KLHL13: variants seen among roughly 807,000 people sequenced by gnomAD.
KLHL13 encodes kelch like family member 13.
KLHL13 carries 10 observed loss-of-function variants against 37.1 expected under a neutral mutation model. That is an observed-to-expected ratio of 0.27 (90% confidence interval 0.17 to 0.46). The LOEUF is 0.46. Ranked by LOEUF, KLHL13 falls within the 20% of genes least tolerant of loss-of-function variation. The pLI, the probability that KLHL13 is intolerant of heterozygous loss-of-function variation, is 1.00. For synonymous variants in KLHL13, 163 were observed against 181.2 expected (o/e 0.90, Z 0.81); for missense variants, 360 against 509.3 (o/e 0.71, Z 2.82).
chrX:118,003,788 G>A (rs775196694), intron 1 of KLHL13, among the ~76,000 whole-genome samples: 11 of 110,377 alleles, frequency 1.0e-4, no homozygotes, highest in African/African-American at 2.6e-4. Context: ...GCAACAACTC[G>A]TCAAAGTACA....
chrX:118,047,785 A>C (rs931608211), intron 1 of KLHL13, among the ~76,000 whole-genome samples: 4 of 111,760 alleles, frequency 3.6e-5, no homozygotes, highest in Non-Finnish European at 7.5e-5. Context: ...TTTACTTTTA[A>C]TCCTGTATTT....
At chrX:118,001,662 G>A (rs1386612227) in intron 1 of KLHL13, among the ~76,000 whole-genome samples, 3 of 110,300 alleles carry the variant, frequency 2.7e-5, no homozygotes, top group East Asian at 2.9e-4. Context: ...TCTGGAGTTC[G>A]AGACCAGCCT....
intron 1 of KLHL13, among the ~76,000 whole-genome samples, chrX:118,020,405 T>A (rs761864273): frequency 3.6e-5 from 4 of 111,557 alleles, no homozygotes; most frequent in African/African-American, 1.3e-4. Context: ...TGAGACAATT[T>A]GGCCATCAGA....
chrX:117,967,802 G>A (rs1273199071), intron 1 of KLHL13, among the ~76,000 whole-genome samples: 2 of 111,766 alleles, frequency 1.8e-5, no homozygotes, highest in Non-Finnish European at 3.8e-5. Context: ...CACATGCCAG[G>A]CTTCCTCAGA....
At chrX:117,965,308 T>G (rs1330297032) in intron 1 of KLHL13, among the ~76,000 whole-genome samples, 1 of 112,163 alleles carries the variant, frequency 8.9e-6, no homozygotes, top group Non-Finnish European at 1.9e-5. Flanking sequence ...TATCTCATTG[T>G]GGTTTTGATT....
intron 1 of KLHL13, among the ~76,000 whole-genome samples, chrX:118,003,513 CGTGAAAATCATCTTATTTCCA>C (rs68137885): frequency 0.062 from 6,948 of 111,184 alleles, 534 homozygotes; most frequent in African/African-American, 0.21. Context: ...ACCATAATTA[CGTGAAAATCATCTTATTTCCA>C]GTTGCCTCAT....
At chrX:117,941,391 G>C (rs1933024291) in intron 2 of KLHL13, among the ~76,000 whole-genome samples, 1 of 111,764 alleles carries the variant, frequency 8.9e-6, no homozygotes, top group South Asian at 3.8e-4. Context: ...CTATTGTTTG[G>C]AATAGTTTCA....
chrX:117,951,807 A>G (rs971484342), intron 1 of KLHL13, among the ~76,000 whole-genome samples: 5 of 112,444 alleles, frequency 4.4e-5, no homozygotes, highest in Admixed American at 3.8e-4. Flanking sequence ...ACATTCTAGT[A>G]TCCTATTTAA....
In KLHL13 at chrX:117,947,270, G is replaced by A. The variant is rs192375569; in HGVS notation, c.99-1695C>T. The A allele has an allele frequency of 1.4e-3, 151 of 111,793 alleles. 2 individuals are homozygous for A. The highest frequency in any genetic ancestry group is 4.8e-3 in the African/African-American group (147 of 30,872). The allele number at this position is 111,793 out of a possible 1,213,427, so 9.2% of individuals were successfully genotyped here. ...CTATTCATCCAGATTATATTAATAGGATATTCAAGCAGACTGTTTTATTAG... is the reference window on the plus strand; with the variant it reads ...CTATTCATCCAGATTATATTAATAGAATATTCAAGCAGACTGTTTTATTAG... On this transcript the variant is annotated intron_variant, in intron 1 of 6. Coordinates refer to ENST00000262820, the Ensembl canonical transcript of KLHL13.
intron 1 of KLHL13, among the ~76,000 whole-genome samples, chrX:118,096,619 C>T (rs1234260384): frequency 1.8e-5 from 2 of 111,386 alleles, no homozygotes; most frequent in African/African-American, 6.5e-5. Flanking sequence ...GGCAGAGACA[C>T]AACCAAAAAA....
At chrX:117,918,692 T>C (rs1263819156) in intron 4 of KLHL13, among the ~76,000 whole-genome samples, 3 of 111,503 alleles carry the variant, frequency 2.7e-5, no homozygotes, top group Non-Finnish European at 5.7e-5. Flanking sequence ...ACTCCATCGA[T>C]TGGTAGTTGT....
chrX:118,028,466 T>C (rs1210836546), intron 1 of KLHL13: 30 of 1,119,863 alleles, frequency 2.7e-5, no homozygotes, highest in Non-Finnish European at 3.4e-5. Flanking sequence ...TCTATGCAGA[T>C]GATCCATCAC....
chrX:118,011,073 A>AAAATAAATAAAT (rs746728611), intron 1 of KLHL13, among the ~76,000 whole-genome samples: 1 of 108,332 alleles, frequency 9.2e-6, no homozygotes, highest in African/African-American at 3.4e-5. Flanking sequence ...ACACTGTCTC[A>AAAATAAATAAAT]AAATAAATAA....
chrX:118,042,735 T>C (rs1291368290), intron 1 of KLHL13, among the ~76,000 whole-genome samples: 2 of 110,854 alleles, frequency 1.8e-5, no homozygotes, highest in Non-Finnish European at 3.8e-5. Flanking sequence ...ACCTATAAGA[T>C]ACAGTGAAAG....
chrX:117,898,092 C>A (rs1382695887), exon 7 of KLHL13: 2 of 112,000 alleles, frequency 1.8e-5, no homozygotes, highest in Non-Finnish European at 3.8e-5. Flanking sequence ...TATATGCATT[C>A]AGTATGTGCA....
chrX:118,064,751 G>A (rs112881851), intron 1 of KLHL13, among the ~76,000 whole-genome samples: 5 of 111,823 alleles, frequency 4.5e-5, no homozygotes, highest in African/African-American at 1.6e-4. Flanking sequence ...ACACAGACTT[G>A]AGCTTAAATG....
Position 117,955,761 on chromosome X carries a change from C to T in KLHL13, c.99-10186G>A, listed in dbSNP as rs149091331. On this transcript the variant is annotated intron_variant, in intron 1 of 6. Coordinates refer to ENST00000262820, the Ensembl canonical transcript of KLHL13. The stretch of plus-strand genomic sequence containing the variant: ...GTCCCTTTTCTGCATATCTGCCTCA[C>T]CATTAAGGGTTTTTTTCCACAAAAC... 9.3e-3 allele frequency among the ~76,000 whole-genome samples: 1,035 copies of T among 111,352 alleles called. 17 individuals carry two copies. Among genetic ancestry groups the T allele is most frequent in the African/African-American group, 0.031 (956 of 30,704 alleles).
chrX:117,936,446 G>A (rs1212757938), intron 2 of KLHL13, among the ~76,000 whole-genome samples: 1 of 111,976 alleles, frequency 8.9e-6, no homozygotes, highest in Admixed American at 9.5e-5. Flanking sequence ...AAGCCAACCA[G>A]ATGGACACCT....
At chrX:117,910,415 C>A (rs1930904993) in intron 4 of KLHL13, among the ~76,000 whole-genome samples, 2 of 104,595 alleles carry the variant, frequency 1.9e-5, no homozygotes, top group African/African-American at 7.0e-5. Context: ...CCCACCCCCA[C>A]CCCCAAAATA....
Sources: allele counts gnomAD v4.1 joint callset (sites outside exome capture counted in the v4.1 genomes callset), GRCh38; gene constraint gnomAD v4.1.1; transcripts MANE v1.5; gene names NCBI Gene and HGNC (gene_info 2026-07-23, HGNC 2026-07-21).